XKR6: variants seen among roughly 807,000 people sequenced by gnomAD.
XKR6 encodes XK related 6.
XKR6 carries 22 observed loss-of-function variants against 56.7 expected under a neutral mutation model. The ratio of observed to expected loss-of-function variants is 0.39; its 90% CI spans 0.28 to 0.55. The LOEUF (loss-of-function observed/expected upper bound fraction) is 0.55, where lower values mean the gene tolerates loss of function less well. Ranked by LOEUF, XKR6 falls within the 20% of genes least tolerant of loss-of-function variation. XKR6 has a pLI of 0.66. For missense variants in XKR6, 852 were observed against 889.0 expected (o/e 0.96, Z 0.53); for synonymous variants, 524 against 387.8 (o/e 1.35, Z -4.13).
intron 1 of XKR6, among the ~76,000 whole-genome samples, chr8:11,050,181 T>C (rs1799509422): frequency 6.6e-6 from 1 of 152,152 alleles, no homozygotes; most frequent in African/African-American, 2.4e-5. Flanking sequence ...GCAGATTCAG[T>C]GAAGCTGGCT....
chr8:11,045,453 G>A (rs10100634), intron 1 of XKR6, among the ~76,000 whole-genome samples: 5,049 of 152,244 alleles, frequency 0.033, 284 homozygotes, highest in African/African-American at 0.12. Context: ...ATGCCAGAGG[G>A]GAGGATGGGC....
chr8:11,150,340 C>A (rs1179768731), intron 1 of XKR6, among the ~76,000 whole-genome samples: 1 of 152,170 alleles, frequency 6.6e-6, no homozygotes, highest in South Asian at 2.1e-4. Context: ...ACCACATGTA[C>A]CCCATGAATA....
At chr8:11,172,985 CAG>C (rs1802453990) in intron 1 of XKR6, among the ~76,000 whole-genome samples, 2 of 152,122 alleles carry the variant, frequency 1.3e-5, no homozygotes, top group African/African-American at 4.8e-5. Context: ...AAGCCATTAA[CAG>C]ATCTATAATT....
intron 1 of XKR6, among the ~76,000 whole-genome samples, chr8:11,163,075 C>A (rs555599721): frequency 2.2e-4 from 34 of 152,162 alleles, no homozygotes; most frequent in African/African-American, 7.7e-4. Flanking sequence ...GAAACTAGAA[C>A]CATTTAATAA....
At chr8:11,062,528 G>A (rs761161052) in intron 1 of XKR6, 5 of 355,408 alleles carry the variant, frequency 1.4e-5, no homozygotes, top group African/African-American at 1.1e-4. Context: ...TCCTCTACCT[G>A]CCCGATCCAG....
intron 1 of XKR6, among the ~76,000 whole-genome samples, chr8:11,046,507 A>G (rs1025697763): frequency 1.3e-5 from 2 of 152,254 alleles, no homozygotes; most frequent in Non-Finnish European, 2.9e-5. Flanking sequence ...TAGCAACATT[A>G]TTCACAGTAG....
At chr8:10,948,927 A>G (rs571283417) in intron 1 of XKR6, among the ~76,000 whole-genome samples, 2 of 152,276 alleles carry the variant, frequency 1.3e-5, no homozygotes, top group South Asian at 4.1e-4. Context: ...GTTAGAGCCC[A>G]AATCTTCAGG....
chr8:11,180,376 G>A (rs777901659), intron 1 of XKR6, among the ~76,000 whole-genome samples: 1 of 152,182 alleles, frequency 6.6e-6, no homozygotes, highest in Non-Finnish European at 1.5e-5. Flanking sequence ...AAAATTCTTT[G>A]TGGTGAGAGC....
intron 1 of XKR6, among the ~76,000 whole-genome samples, chr8:11,142,674 C>G (rs902252053): frequency 6.6e-6 from 1 of 152,194 alleles, no homozygotes; most frequent in Non-Finnish European, 1.5e-5. Flanking sequence ...TGGAAGATTC[C>G]TGAGGCCCTC....
chr8:11,109,936 G>A (rs920215196), intron 1 of XKR6, among the ~76,000 whole-genome samples: 9 of 152,090 alleles, frequency 5.9e-5, no homozygotes, highest in South Asian at 2.1e-4. Context: ...AAAATTTAAC[G>A]TGACTTTTAA....
intron 1 of XKR6, among the ~76,000 whole-genome samples, chr8:11,051,831 A>T (rs1241092534): frequency 6.6e-6 from 1 of 152,198 alleles, no homozygotes; most frequent in African/African-American, 2.4e-5. Flanking sequence ...AAAAAAAGCA[A>T]AAACAAAAAA....
chr8:10,950,248 G>C (rs911125607), intron 1 of XKR6, among the ~76,000 whole-genome samples: 1 of 152,158 alleles, frequency 6.6e-6, no homozygotes, highest in African/African-American at 2.4e-5. Flanking sequence ...AGTGCAGGGG[G>C]CTCCTCTGTG....
At chr8:10,958,963 A>G (rs896076659) in intron 1 of XKR6, among the ~76,000 whole-genome samples, 9 of 152,220 alleles carry the variant, frequency 5.9e-5, no homozygotes, top group African/African-American at 1.9e-4. Flanking sequence ...CTGCATTTCA[A>G]CAGGAAGGCA....
intron 1 of XKR6, among the ~76,000 whole-genome samples, chr8:11,106,863 A>AAAAAAAAAAAAAAG (rs60435831): frequency 0.019 from 2,070 of 109,648 alleles, 322 homozygotes; most frequent in African/African-American, 0.065. Context: ...AAAAAAAAAA[A>AAAAAAAAAAAAAAG]AATAAAAAAG....
intron 1 of XKR6, chr8:11,128,992 G>C (rs762257810): frequency 3.7e-5 from 17 of 456,208 alleles, no homozygotes; most frequent in Middle Eastern, 3.2e-4. Context: ...GGTTTGTTCT[G>C]TTCTCTCTTG....
At chr8:10,977,608 T>G (rs1276511428) in intron 1 of XKR6, among the ~76,000 whole-genome samples, 1 of 149,432 alleles carries the variant, frequency 6.7e-6, no homozygotes, top group Non-Finnish European at 1.5e-5. Flanking sequence ...GCACCCCGAC[T>G]AATTGCTGTT....
intron 1 of XKR6, among the ~76,000 whole-genome samples, chr8:10,954,866 C>CCTTTTTTTTTTT (rs1554515116): frequency 2.2e-5 from 2 of 92,794 alleles, no homozygotes; most frequent in Non-Finnish European, 4.4e-5. Flanking sequence ...ACTTCATTCT[C>CCTTTTTTTTTTT]TTTTTTTTTT....
intron 1 of XKR6, among the ~76,000 whole-genome samples, chr8:11,070,038 T>C (rs186426315): frequency 6.6e-6 from 1 of 152,282 alleles, no homozygotes; most frequent in East Asian, 1.9e-4. Flanking sequence ...AGTTGAGCCA[T>C]GAATTAAGCA....
At chr8:11,091,565 G>C (rs915355770) in intron 1 of XKR6, among the ~76,000 whole-genome samples, 1 of 152,200 alleles carries the variant, frequency 6.6e-6, no homozygotes, top group Non-Finnish European at 1.5e-5. Context: ...GCTGTGTCCA[G>C]GCTAGGGGGT....
Sources: gnomAD v4.1 joint callset for allele counts (sites outside exome capture counted in the v4.1 genomes callset) on GRCh38, gnomAD v4.1.1 for gene constraint, MANE v1.5 for transcripts, NCBI Gene and HGNC (gene_info 2026-07-23, HGNC 2026-07-21) for gene names.